CPNE4: variants seen among roughly 807,000 people sequenced by gnomAD.
The protein encoded by CPNE4 is copine 4, also known as copine-4.
In CPNE4, 25 loss-of-function variants were observed where a neutral mutation model predicts 67.9. The observed-to-expected ratio is 0.37, with a 90% CI of 0.27 to 0.51. The LOEUF (loss-of-function observed/expected upper bound fraction) is 0.51, where lower values mean the gene tolerates loss of function less well. Ranked by LOEUF, CPNE4 falls within the 20% of genes least tolerant of loss-of-function variation. The pLI, the probability that CPNE4 is intolerant of heterozygous loss-of-function variation, is 0.93. For synonymous variants in CPNE4, 242 were observed against 244.9 expected (o/e 0.99, Z 0.11); for missense variants, 464 against 690.8 (o/e 0.67, Z 3.68).
intron 2 of CPNE4, among the ~76,000 whole-genome samples, chr3:131,753,812 C>T (rs2082687658): frequency 1.3e-5 from 2 of 152,068 alleles, no homozygotes; most frequent in African/African-American, 4.8e-5. Context: ...ATTACTCATA[C>T]ATTAATGGTG....
chr3:131,548,375 C>T (rs1289084841), intron 14 of CPNE4, among the ~76,000 whole-genome samples: 2 of 151,920 alleles, frequency 1.3e-5, no homozygotes. Context: ...TGTAGAGCTT[C>T]CATATGAAAG....
At chr3:131,712,957 G>A (rs940371032) in intron 3 of CPNE4, among the ~76,000 whole-genome samples, 6 of 152,200 alleles carry the variant, frequency 3.9e-5, no homozygotes, top group African/African-American at 1.4e-4. Context: ...AGTGGGAGCT[G>A]TGGGAGAGGT....
At chr3:131,637,458 CA>C (rs2107788853) in intron 7 of CPNE4, among the ~76,000 whole-genome samples, 1 of 152,168 alleles carries the variant, frequency 6.6e-6, no homozygotes, top group East Asian at 1.9e-4. Context: ...AGCTCAAACA[CA>C]AGACTTTCAA....
intron 1 of CPNE4, among the ~76,000 whole-genome samples, chr3:131,950,566 G>C (rs1316401993): frequency 6.6e-6 from 1 of 152,160 alleles, no homozygotes; most frequent in East Asian, 1.9e-4. Flanking sequence ...ACAGCTCTGC[G>C]TATGTCTACA....
chr3:131,987,265 A>G (rs935919100), intron 1 of CPNE4, among the ~76,000 whole-genome samples: 7 of 152,224 alleles, frequency 4.6e-5, no homozygotes, highest in Non-Finnish European at 2.9e-5. Context: ...TTGACTGAAA[A>G]GAAGAAGGAA....
intron 2 of CPNE4, among the ~76,000 whole-genome samples, chr3:131,865,906 A>T (rs1265492263): frequency 6.6e-6 from 1 of 152,184 alleles, no homozygotes; most frequent in Non-Finnish European, 1.5e-5. Flanking sequence ...CAAGCCACTG[A>T]CACTTCTATG....
intron 1 of CPNE4, among the ~76,000 whole-genome samples, chr3:131,987,987 A>G (rs1285997105): frequency 1.3e-5 from 2 of 152,198 alleles, no homozygotes; most frequent in African/African-American, 4.8e-5. Flanking sequence ...GCCACAGTCT[A>G]CTGAGGGCAA....
intron 2 of CPNE4, among the ~76,000 whole-genome samples, chr3:131,753,495 A>C (rs527547827): frequency 1.2e-4 from 18 of 152,180 alleles, no homozygotes; most frequent in Non-Finnish European, 2.5e-4. Flanking sequence ...CAAATGATAC[A>C]TGTAGAAGAA....
chr3:131,740,602 T>G (rs1413129588), intron 2 of CPNE4, among the ~76,000 whole-genome samples: 1 of 152,222 alleles, frequency 6.6e-6, no homozygotes, highest in African/African-American at 2.4e-5. Context: ...TGCCACTTCA[T>G]GCCAAGTCAC....
At chr3:131,988,893 T>C (rs868459958) in intron 1 of CPNE4, among the ~76,000 whole-genome samples, 1 of 152,252 alleles carries the variant, frequency 6.6e-6, no homozygotes, top group Non-Finnish European at 1.5e-5. Context: ...GGCCCACTTA[T>C]GTTTCACTGT....
chr3:132,003,231 A>G (rs1224111720), intron 1 of CPNE4, among the ~76,000 whole-genome samples: 1 of 152,104 alleles, frequency 6.6e-6, no homozygotes, highest in Non-Finnish European at 1.5e-5. Flanking sequence ...CACATAGATG[A>G]CATCATGGCT....
intron 3 of CPNE4, among the ~76,000 whole-genome samples, chr3:131,721,962 A>G (rs1377448468): frequency 6.6e-6 from 1 of 152,194 alleles, no homozygotes; most frequent in Non-Finnish European, 1.5e-5. Flanking sequence ...AATGGAGAAT[A>G]TTTCAGATTC....
chr3:131,772,057 T>C (rs565175218), intron 2 of CPNE4, among the ~76,000 whole-genome samples: 4 of 151,902 alleles, frequency 2.6e-5, no homozygotes, highest in African/African-American at 9.7e-5. Context: ...ATGAACGGAG[T>C]GAGGCTACAG....
rs951047 is a variant in CPNE4, at chr3:131,748,170, A to G, written c.181-24545T>C. Among the ~76,000 whole-genome samples the G allele has an allele frequency of 9.8e-3, 1,494 of 152,102 alleles. 18 individuals are homozygous for G. Among genetic ancestry groups the G allele is most frequent in the African/African-American group, 0.034 (1,416 of 41,500 alleles). ...AACAGGATTACTATATTATGGTACT[A>G]TATGGATTACTACTATATATGGTAC... On this transcript the variant is annotated intron_variant, in intron 2 of 15. Transcript: ENST00000429747.
intron 2 of CPNE4, among the ~76,000 whole-genome samples, chr3:131,898,972 G>A (rs940685395): frequency 7.9e-5 from 12 of 152,130 alleles, no homozygotes; most frequent in Admixed American, 5.9e-4. Flanking sequence ...GAAAACTGTC[G>A]TTTTTTTATC....
intron 6 of CPNE4, among the ~76,000 whole-genome samples, chr3:131,670,580 T>C (rs2080385344): frequency 6.6e-6 from 1 of 152,168 alleles, no homozygotes; most frequent in East Asian, 1.9e-4. Context: ...TCCCAAAGTG[T>C]GGTTCCTGGA....
In CPNE4 at chr3:131,540,214, T is replaced by C. The variant is rs188974898; in HGVS notation, c.1539+2343A>G. ...CTGTGATCAACTCTGTAGCCAGGGA[T>C]TGGTTTTCTGCTCCTTCAGTGATTT... On this transcript the variant is annotated intron_variant, in intron 15 of 15. Transcript: ENST00000429747. Among the ~76,000 whole-genome samples the C allele has an allele frequency of 3.1e-3, 475 of 152,272 alleles. 2 individuals are homozygous for C. Among genetic ancestry groups the C allele is most frequent in the African/African-American group, 0.011 (451 of 41,566 alleles).
chr3:131,654,842 C>G (rs1243892907), intron 7 of CPNE4, among the ~76,000 whole-genome samples: 2 of 152,180 alleles, frequency 1.3e-5, no homozygotes, highest in Admixed American at 6.5e-5. Context: ...CCACTTGCAA[C>G]TAGTGGATAG....
intron 7 of CPNE4, among the ~76,000 whole-genome samples, chr3:131,602,326 G>C (rs1331160408): frequency 6.6e-6 from 1 of 152,136 alleles, no homozygotes; most frequent in Non-Finnish European, 1.5e-5. Context: ...GGGCCATCCT[G>C]TTTCCTTAAG....
Sources: allele counts gnomAD v4.1 joint callset (sites outside exome capture counted in the v4.1 genomes callset), GRCh38; gene constraint gnomAD v4.1.1; transcripts MANE v1.5; gene names NCBI Gene and HGNC (gene_info 2026-07-23, HGNC 2026-07-21).